Variants in C11orf65 observed in about 807,000 individuals in gnomAD.
The protein encoded by C11orf65 is protein MFI.
In C11orf65, 38 loss-of-function variants were observed where a neutral mutation model predicts 35.3. The observed-to-expected ratio is 1.08, with a 90% CI of 0.83 to 1.41. C11orf65 has a LOEUF of 1.41. Ranked by LOEUF, C11orf65 falls within the 40% of genes most tolerant of loss-of-function variation. The pLI is 0.00. For missense variants in C11orf65, 370 were observed against 367.1 expected (o/e 1.01, Z -0.06); for synonymous variants, 105 against 114.4 (o/e 0.92, Z 0.53).
chr11:108,454,446 G>A (rs1342031756), intron 2 of C11orf65, among the ~76,000 whole-genome samples: 18 of 151,768 alleles, frequency 1.2e-4, no homozygotes, highest in Non-Finnish European at 1.9e-4. Context: ...TTACAGGCAT[G>A]TGCCACCATA....
chr11:108,365,164 CTG>C lies in C11orf65; in HGVS notation c.226+28042_226+28043del, dbSNP rs2137881586. 1 of 1,614,192 alleles carries C rather than the reference CTG, an allele frequency of 6.2e-7. No homozygotes were observed. The highest frequency in any genetic ancestry group is 8.5e-7 in the Non-Finnish European group (1 of 1,180,042). The stretch of plus-strand genomic sequence containing the variant: ...TTACAGCAGAGGCCGGAAGATGAAA[CTG>C]AGCTTCACCCTACTCTGAATGCAGA... On this transcript the variant is annotated intron_variant, in intron 2 of 3. Coordinates refer to the C11orf65 transcript ENST00000524755.
chr11:108,427,458 G>A (rs969602270), intron 3 of C11orf65, among the ~76,000 whole-genome samples: 1 of 132,590 alleles, frequency 7.5e-6, no homozygotes, highest in Non-Finnish European at 1.6e-5. Context: ...GCGGGCTGAC[G>A]CCTGTAATCC....
chr11:108,406,666 TTTATTATTTTAAAAAATAA>T, intron 5 of C11orf65, 78 bp downstream of exon 5: 1 of 817,820 alleles, frequency 1.2e-6, no homozygotes, highest in Non-Finnish European at 1.7e-6. Flanking sequence ...ATTACTAGGA[TTTATTATTTTAAAAAATAA>T]TTTTAAAATT....
intron 3 of C11orf65, among the ~76,000 whole-genome samples, chr11:108,429,739 CA>C (rs1315763394): frequency 6.6e-6 from 1 of 152,140 alleles, no homozygotes; most frequent in Non-Finnish European, 1.5e-5. Context: ...GGAAGCAACC[CA>C]AGTGTCCATT....
At chr11:108,448,210 G>T (rs1408007734) in intron 2 of C11orf65, among the ~76,000 whole-genome samples, 1 of 152,204 alleles carries the variant, frequency 6.6e-6, no homozygotes, top group Non-Finnish European at 1.5e-5. Context: ...GAGGTACAAG[G>T]AGGAACTGGT....
chr11:108,326,295 ATTT>A (rs1219633668), intron 6 of C11orf65: 1 of 1,547,850 alleles, frequency 6.5e-7, no homozygotes, highest in Non-Finnish European at 8.8e-7. Flanking sequence ...ACTTTAAAAT[ATTT>A]TTAATAACAA....
At chr11:108,393,138 G>A in intron 7 of C11orf65, 70 bp downstream of exon 7, 1 of 1,460,914 alleles carries the variant, frequency 6.8e-7, no homozygotes, top group Admixed American at 2.0e-5. Flanking sequence ...ATTCAACAAG[G>A]AAATAGGAAA....
rs170548 is a variant in C11orf65, at chr11:108,364,109, A to T, written c.227-28817T>A. 6.6e-6 allele frequency among the ~76,000 whole-genome samples: 1 copy of T among 151,908 alleles called. No individual in the cohort carries two copies. The highest frequency in any genetic ancestry group is 6.6e-5 in the Admixed American group (1 of 15,248). On this transcript the variant is annotated intron_variant, in intron 2 of 3. Coordinates refer to the C11orf65 transcript ENST00000524755. ...CTCAAAACAGCATTAAAAAATAGAGAGATTTTGGTTCTGCTAATCTAGTAC... is the reference window on the plus strand; with the variant it reads ...CTCAAAACAGCATTAAAAAATAGAGTGATTTTGGTTCTGCTAATCTAGTAC...
intron 2 of C11orf65, among the ~76,000 whole-genome samples, chr11:108,441,361 G>GGCCT (rs1343181470): frequency 1.3e-5 from 2 of 152,218 alleles, no homozygotes; most frequent in African/African-American, 2.4e-5. Flanking sequence ...AGTTCAAGGA[G>GGCCT]GCCTGCCTGC....
intron 3 of C11orf65, among the ~76,000 whole-genome samples, chr11:108,409,575 C>A (rs898118750): frequency 6.6e-6 from 1 of 152,084 alleles, no homozygotes; most frequent in Non-Finnish European, 1.5e-5. Context: ...GCAGTGGCAG[C>A]AAGCCACAGC....
intron 7 of C11orf65, among the ~76,000 whole-genome samples, chr11:108,386,520 C>T (rs2092004420): frequency 6.6e-6 from 1 of 152,166 alleles, no homozygotes; most frequent in East Asian, 1.9e-4. Flanking sequence ...GCAGCTGTCA[C>T]CTCAGCTCCT....
chr11:108,450,286 T>TAC (rs2093328506), intron 2 of C11orf65, among the ~76,000 whole-genome samples: 2 of 152,040 alleles, frequency 1.3e-5, no homozygotes, highest in Admixed American at 1.3e-4. Flanking sequence ...TTACTGGGTA[T>TAC]ACACCCAAAG....
chr11:108,344,108 ATTG>A (rs2087968057), intron 2 of C11orf65, among the ~76,000 whole-genome samples: 1 of 152,138 alleles, frequency 6.6e-6, no homozygotes, highest in Admixed American at 6.5e-5. Flanking sequence ...AAATCCATTT[ATTG>A]TTCATTTTAT....
chr11:108,317,962 T>A (rs1036194445), intron 6 of C11orf65, among the ~76,000 whole-genome samples: 1 of 152,120 alleles, frequency 6.6e-6, no homozygotes, highest in African/African-American at 2.4e-5. Context: ...GCATTCCTCT[T>A]TCTACTTCCT....
intron 2 of C11orf65, among the ~76,000 whole-genome samples, chr11:108,454,901 T>C (rs1397525880): frequency 2.6e-5 from 4 of 152,262 alleles, no homozygotes; most frequent in Non-Finnish European, 4.4e-5. Context: ...CTTTATTTCC[T>C]TCCTTCTGAT....
intron 3 of C11orf65, among the ~76,000 whole-genome samples, chr11:108,417,830 T>C (rs1345896558): frequency 1.3e-5 from 2 of 152,036 alleles, no homozygotes; most frequent in Non-Finnish European, 2.9e-5. Flanking sequence ...GATGGGTTGA[T>C]GAGTGCAGCA....
downstream of C11orf65, chr11:108,327,496 GT>G (rs1488359122): frequency 3.2e-6 from 2 of 628,146 alleles, no homozygotes; most frequent in Non-Finnish European, 5.7e-6. Flanking sequence ...TAAAATAGTT[GT>G]ATGGCAAAAG....
At chr11:108,453,662 T>C (rs772787197) in intron 2 of C11orf65, among the ~76,000 whole-genome samples, 9 of 152,232 alleles carry the variant, frequency 5.9e-5, no homozygotes, top group Non-Finnish European at 1.3e-4. Context: ...GAAATATCTA[T>C]TGAAGTGATC....
At chr11:108,456,435 T>C (rs1257405203) in intron 2 of C11orf65, among the ~76,000 whole-genome samples, 1 of 152,142 alleles carries the variant, frequency 6.6e-6, no homozygotes, top group Non-Finnish European at 1.5e-5. Context: ...AAATATCTTC[T>C]GACTAGGTTA....
Sources: allele counts gnomAD v4.1 joint callset (sites outside exome capture counted in the v4.1 genomes callset), GRCh38; gene constraint gnomAD v4.1.1; transcripts MANE v1.5; gene names NCBI Gene and HGNC (gene_info 2026-07-23, HGNC 2026-07-21).